The following ZFHX3 variants were observed in gnomAD, a reference collection of about 807,000 sequenced individuals.
The protein encoded by ZFHX3 is zinc finger homeobox protein 3.
ZFHX3 carries 42 observed loss-of-function variants against 279.1 expected under a neutral mutation model. The observed-to-expected ratio is 0.15, with a 90% CI of 0.12 to 0.19. The LOEUF (loss-of-function observed/expected upper bound fraction) is 0.19. Ranked by LOEUF, ZFHX3 falls within the 10% of genes least tolerant of loss-of-function variation. The probability of loss-of-function intolerance (pLI) is 1.00; values close to 1 mark genes in which losing one functional copy is unlikely to be tolerated. For missense variants in ZFHX3, 4,981 were observed against 4,754.0 expected, an observed-to-expected ratio of 1.05 and a Z score of -1.40; for synonymous variants, 2,293 against 1,957.8, an observed-to-expected ratio of 1.17 and a Z score of -4.52.
chr16:73,153,004 G>C (rs1966984387), intron 5 of ZFHX3, among the ~76,000 whole-genome samples: 2 of 152,064 alleles, frequency 1.3e-5, no homozygotes, highest in Admixed American at 1.3e-4. Flanking sequence ...ATTTTTGGAT[G>C]GTTTTGCTAT....
intron 1 of ZFHX3, among the ~76,000 whole-genome samples, chr16:73,789,315 G>A (rs1455263820): frequency 6.6e-6 from 1 of 151,892 alleles, no homozygotes; most frequent in Non-Finnish European, 1.5e-5. Context: ...AGAGTAGCTG[G>A]GACTACAGGT....
At chr16:73,465,576 C>T (rs930880374) in intron 2 of ZFHX3, among the ~76,000 whole-genome samples, 1 of 152,172 alleles carries the variant, frequency 6.6e-6, no homozygotes, top group African/African-American at 2.4e-5. Flanking sequence ...GCATTCAAGG[C>T]TCTGCAGGTA....
chr16:73,802,157 T>C (rs1164954421), intron 1 of ZFHX3, among the ~76,000 whole-genome samples: 1 of 151,754 alleles, frequency 6.6e-6, no homozygotes, highest in Non-Finnish European at 1.5e-5. Context: ...ATGCAAAATG[T>C]GTGACTTTTT....
intron 1 of ZFHX3, among the ~76,000 whole-genome samples, chr16:73,750,274 G>C (rs1424379207): frequency 2.0e-5 from 3 of 152,208 alleles, no homozygotes; most frequent in Non-Finnish European, 2.9e-5. Flanking sequence ...GCTCAGCAAT[G>C]AGTGGAAATT....
chr16:72,956,404 A>G (rs978939242), intron 2 of ZFHX3, among the ~76,000 whole-genome samples: 5 of 152,208 alleles, frequency 3.3e-5, no homozygotes, highest in African/African-American at 1.2e-4. Flanking sequence ...TCCTGTTTGA[A>G]GCATACCGGG....
chr16:73,198,938 T>C (rs972487789), intron 5 of ZFHX3, among the ~76,000 whole-genome samples: 1 of 152,190 alleles, frequency 6.6e-6, no homozygotes, highest in Non-Finnish European at 1.5e-5. Flanking sequence ...AACAATGACA[T>C]TGGATGTCAT....
At chr16:73,277,465 C>T (rs554676101) in intron 4 of ZFHX3, among the ~76,000 whole-genome samples, 34 of 152,142 alleles carry the variant, frequency 2.2e-4, no homozygotes, top group African/African-American at 7.0e-4. Context: ...TATTAAAATC[C>T]GAAAGCATGA....
intron 3 of ZFHX3, among the ~76,000 whole-genome samples, chr16:73,382,994 C>G (rs1297119680): frequency 6.6e-6 from 1 of 152,132 alleles, no homozygotes; most frequent in Non-Finnish European, 1.5e-5. Flanking sequence ...AGGCAGGACA[C>G]AGGAGACAGG....
At position 73,860,869 on chromosome 16, in the gene ZFHX3, CCACCTTG is replaced by C. The variant is rs140170265; in HGVS notation, c.-1608+30775_-1608+30781del. Among the ~76,000 whole-genome samples, 1,279 of 152,218 alleles carry C rather than the reference CCACCTTG, an allele frequency of 8.4e-3. 18 individuals are homozygous for C. Among genetic ancestry groups the C allele is most frequent in the African/African-American group, 0.029 (1,196 of 41,536 alleles). ...CCCCAACCCCCACTCACCGTTTTCT[CCACCTTG>C]CACCTTCCCAGGCAAAAGTTCTATA... On this transcript the variant is annotated intron_variant, in intron 1 of 17. Transcript: ENST00000641206.
rs1346480732 is a variant in ZFHX3, at chr16:72,959,708, G to A, written c.438C>T (p.Ser146=). ...QPDGSAYIVE[S]LSQLTQGGGA... ...CCCCGCCCTGGGTCAGCTGGCTCAG[G>A]CTCTCCACAATGTACGCGGAGCCGT... Residue 146 remains serine, a synonymous_variant, in exon 2 of 10, where the codon AGC becomes AGT. Coordinates refer to ENST00000268489, the MANE Select transcript of ZFHX3 (RefSeq NM_006885.4). 1 of 1,613,794 alleles carries A rather than the reference G, an allele frequency of 6.2e-7. No individual in the cohort carries two copies. Among genetic ancestry groups the A allele is most frequent in the African/African-American group, 1.3e-5 (1 of 74,936 alleles).
chr16:73,689,673 A>G (rs1014501847), intron 1 of ZFHX3, among the ~76,000 whole-genome samples: 2 of 152,204 alleles, frequency 1.3e-5, no homozygotes, highest in African/African-American at 2.4e-5. Context: ...AGGCAGTTCT[A>G]TGTTACAAGT....
chr16:73,882,103 G>A (rs926870391), intron 1 of ZFHX3, among the ~76,000 whole-genome samples: 12 of 152,014 alleles, frequency 7.9e-5, no homozygotes, highest in Non-Finnish European at 1.8e-4. Context: ...AATTCCACTC[G>A]GCAAAGACTA....
At chr16:73,081,690 TAC>T (rs1965947044) in intron 8 of ZFHX3, 1 of 152,358 alleles carries the variant, frequency 6.6e-6, no homozygotes, top group East Asian at 1.9e-4. Context: ...ACAGGCCATT[TAC>T]ACATGCATTC....
intron 4 of ZFHX3, among the ~76,000 whole-genome samples, chr16:73,304,178 G>C (rs571073723): frequency 8.5e-5 from 13 of 152,214 alleles, no homozygotes; most frequent in African/African-American, 2.4e-4. Context: ...CAGGTTCAGG[G>C]TGTGAGTCGG....
intron 2 of ZFHX3, among the ~76,000 whole-genome samples, chr16:73,672,676 G>A (rs982847461): frequency 6.6e-6 from 1 of 152,068 alleles, no homozygotes. Flanking sequence ...ATAATAAAAA[G>A]AGAAGGCACA....
At chr16:73,372,831 C>G (rs1183531483) in intron 3 of ZFHX3, among the ~76,000 whole-genome samples, 1 of 152,056 alleles carries the variant, frequency 6.6e-6, no homozygotes, top group East Asian at 1.9e-4. Flanking sequence ...GTAATGAAAC[C>G]CTCAAAAAGC....
chr16:73,215,290 T>C (rs911017091), intron 5 of ZFHX3, among the ~76,000 whole-genome samples: 2 of 152,166 alleles, frequency 1.3e-5, no homozygotes, highest in Admixed American at 6.5e-5. Context: ...GTAGTAGCTA[T>C]GTTGTTCTCT....
chr16:73,788,605 G>C (rs1477481478), intron 1 of ZFHX3, among the ~76,000 whole-genome samples: 2 of 152,130 alleles, frequency 1.3e-5, no homozygotes, highest in African/African-American at 4.8e-5. Flanking sequence ...CCCCAGCCCA[G>C]TGCTTAGCAC....
intron 1 of ZFHX3, among the ~76,000 whole-genome samples, chr16:73,846,033 AAG>A (rs1163454284): frequency 6.6e-6 from 1 of 152,102 alleles, no homozygotes; most frequent in Non-Finnish European, 1.5e-5. Context: ...TTCTGGACTC[AAG>A]CAATCTTCTC....
Sources: gnomAD v4.1 joint callset for allele counts (sites outside exome capture counted in the v4.1 genomes callset) on GRCh38, gnomAD v4.1.1 for gene constraint, MANE v1.5 for transcripts, NCBI Gene and HGNC (gene_info 2026-07-23, HGNC 2026-07-21) for gene names.